The following FAM114A2 variants were observed in gnomAD, a reference collection of about 807,000 sequenced individuals.
FAM114A2 encodes the protein family with sequence similarity 114 member A2.
A neutral mutation model predicts 58.4 loss-of-function variants in FAM114A2; 53 were observed. The ratio of observed to expected loss-of-function variants is 0.91; its 90% CI spans 0.73 to 1.14. FAM114A2 has a LOEUF of 1.14. Among genes scored for constraint, FAM114A2 ranks in the 50% most tolerant of loss-of-function variants. The pLI is 0.00. For synonymous variants in FAM114A2, 228 were observed against 211.4 expected (o/e 1.08, Z -0.68); for missense variants, 601 against 581.1 (o/e 1.03, Z -0.35).
chr5:153,997,340 A>T (rs1440145216), intron 12 of FAM114A2, among the ~76,000 whole-genome samples: 1 of 152,244 alleles, frequency 6.6e-6, no homozygotes, highest in Non-Finnish European at 1.5e-5. Flanking sequence ...GCCAAAAAGC[A>T]GAAATAATCC....
At chr5:154,000,610 C>G (rs947693784) in intron 11 of FAM114A2, among the ~76,000 whole-genome samples, 2 of 152,120 alleles carry the variant, frequency 1.3e-5, no homozygotes, top group African/African-American at 4.8e-5. Flanking sequence ...CCACTAGGGA[C>G]TTAAAACATA....
At position 153,992,280 on chromosome 5, in the gene FAM114A2, T is replaced by G. The variant is rs1428003620; in HGVS notation, c.*696A>C. 6.6e-6 allele frequency: 1 copy of G among 152,036 alleles called. No homozygotes were observed. Among genetic ancestry groups the G allele is most frequent in the Admixed American group, 6.5e-5 (1 of 15,268 alleles). The allele number at this position is 152,036 out of a possible 1,614,324, so 9.4% of individuals were successfully genotyped here. A position where few individuals can be genotyped will look rare whatever the true frequency, so the allele number is the denominator to read the frequency against. Reference sequence around the variant, plus strand: ...TTTACTGGCCTTGAATCCAGTAGAGTAGGGTTCAGCTATGACATGAAGTGT... The same window carrying G: ...TTTACTGGCCTTGAATCCAGTAGAGGAGGGTTCAGCTATGACATGAAGTGT... On this transcript the variant is annotated 3_prime_UTR_variant, in exon 14 of 14. Coordinates refer to ENST00000351797, the MANE Select transcript of FAM114A2 (RefSeq NM_018691.4).
chr5:154,027,485 G>A, intron 6 of FAM114A2, 151 bp from the exon 7 acceptor site: 1 of 529,730 alleles, frequency 1.9e-6, no homozygotes, highest in Non-Finnish European at 3.1e-6. Context: ...GTGGGCTCAG[G>A]AGCTGCAGAA....
chr5:154,007,752 C>T (rs1770448341), intron 9 of FAM114A2, among the ~76,000 whole-genome samples: 1 of 152,148 alleles, frequency 6.6e-6, no homozygotes, highest in South Asian at 2.1e-4. Flanking sequence ...TATTGAACAG[C>T]TACATGTAGA....
intron 7 of FAM114A2, among the ~76,000 whole-genome samples, chr5:154,026,813 A>G (rs1369656187): frequency 2.6e-5 from 4 of 152,024 alleles, no homozygotes; most frequent in African/African-American, 9.7e-5. Flanking sequence ...ATTAAAAGCT[A>G]ACAGGTAACT....
chr5:153,995,342 TA>T (rs1442105722), intron 12 of FAM114A2: 1 of 159,992 alleles, frequency 6.3e-6, no homozygotes, highest in Non-Finnish European at 1.4e-5. Flanking sequence ...ATCTTACAAA[TA>T]AATAATGTAA....
chr5:154,009,081 G>C (rs536317359), intron 9 of FAM114A2, among the ~76,000 whole-genome samples: 36 of 152,266 alleles, frequency 2.4e-4, no homozygotes, highest in African/African-American at 8.7e-4. Context: ...TGACAGCCTA[G>C]AATCAAAGCC....
intron 8 of FAM114A2, among the ~76,000 whole-genome samples, chr5:154,020,896 A>C (rs969270772): frequency 2.6e-5 from 4 of 152,230 alleles, no homozygotes; most frequent in Non-Finnish European, 4.4e-5. Flanking sequence ...AAAAATCCTC[A>C]ATAAAATACT....
chr5:154,027,915 A>G (rs1771903052), intron 6 of FAM114A2, among the ~76,000 whole-genome samples: 1 of 152,182 alleles, frequency 6.6e-6, no homozygotes, highest in Admixed American at 6.5e-5. Context: ...GACAGGGTTT[A>G]GCATTTTGCA....
chr5:154,006,588 G>A (rs1208921215), intron 9 of FAM114A2, among the ~76,000 whole-genome samples: 1 of 152,076 alleles, frequency 6.6e-6, no homozygotes, highest in Non-Finnish European at 1.5e-5. Flanking sequence ...GTTTACAGAA[G>A]AGAACACTGA....
rs1225954315 is a variant in FAM114A2 at position 154,026,584 on chromosome 5, T to C, written c.790-62A>G. On this transcript the variant is annotated intron_variant, in intron 7 of 13. Coordinates refer to ENST00000351797, the MANE Select transcript of FAM114A2 (RefSeq NM_018691.4). ...GAAAGAAAAGAAAAACATTCACAAA[T>C]AGGGAAGAGACTATAAAAAGATCAT... The C allele has an allele frequency of 1.2e-5, 14 of 1,167,372 alleles. No homozygotes were observed. In the South Asian group the frequency reaches 1.7e-4, roughly 14 times the overall value. 72.3% of individuals were successfully genotyped at this position (1,167,372 alleles called of 1,614,324 possible).
chr5:153,993,794 A>T (rs1182047377), intron 13 of FAM114A2, among the ~76,000 whole-genome samples: 1 of 152,206 alleles, frequency 6.6e-6, no homozygotes, highest in African/African-American at 2.4e-5. Context: ...TCCAAAAAAA[A>T]AATCCACTAA....
At chr5:153,996,461 G>A (rs574345615) in intron 12 of FAM114A2, among the ~76,000 whole-genome samples, 28 of 151,486 alleles carry the variant, frequency 1.8e-4, no homozygotes, top group African/African-American at 6.1e-4. Flanking sequence ...AAACAGAGGA[G>A]TAAAATTTCA....
intron 7 of FAM114A2, 22 bp from the exon 8 acceptor site, chr5:154,026,544 ATGT>A: frequency 6.9e-7 from 1 of 1,441,488 alleles, no homozygotes. Context: ...CAAGAACAAA[ATGT>A]TGTAGGAGTA....
At chr5:153,995,071 A>C in intron 12 of FAM114A2, 99 bp from the exon 13 acceptor site, 3 of 746,370 alleles carry the variant, frequency 4.0e-6, no homozygotes, top group Admixed American at 2.0e-5. Flanking sequence ...CCCATACATA[A>C]ATATTAAATA....
At chr5:153,996,473 T>G (rs1769560910) in intron 12 of FAM114A2, among the ~76,000 whole-genome samples, 1 of 151,276 alleles carries the variant, frequency 6.6e-6, no homozygotes, top group African/African-American at 2.4e-5. Flanking sequence ...AAAATTTCAC[T>G]GCAAAGGACA....
At chr5:154,022,490 T>G (rs4299780) in intron 8 of FAM114A2, among the ~76,000 whole-genome samples, 1 of 151,962 alleles carries the variant, frequency 6.6e-6, no homozygotes, top group East Asian at 1.9e-4. Flanking sequence ...TCAACAGATA[T>G]GTCTCAAAAG....
At chr5:154,034,047 C>A (rs539175393) in intron 3 of FAM114A2, among the ~76,000 whole-genome samples, 164 bp from the exon 4 acceptor site, 1 of 152,222 alleles carries the variant, frequency 6.6e-6, no homozygotes, top group African/African-American at 2.4e-5. Flanking sequence ...GATTCATCAT[C>A]ACCAAAGAAT....
At chr5:154,024,442 G>T (rs536775000) in intron 8 of FAM114A2, among the ~76,000 whole-genome samples, 1 of 152,218 alleles carries the variant, frequency 6.6e-6, no homozygotes, top group East Asian at 1.9e-4. Flanking sequence ...AGTGAGAACA[G>T]TGCCATCAGG....
Sources: gnomAD v4.1 joint callset for allele counts (sites outside exome capture counted in the v4.1 genomes callset) on GRCh38, gnomAD v4.1.1 for gene constraint, MANE v1.5 for transcripts, NCBI Gene and HGNC (gene_info 2026-07-23, HGNC 2026-07-21) for gene names.